Variants in CCDC27 observed in about 807,000 individuals in gnomAD.
CCDC27 encodes the protein coiled-coil domain-containing protein 27.
CCDC27 carries 80 observed loss-of-function variants against 80.3 expected under a neutral mutation model. The observed-to-expected ratio is 1.00, with a 90% CI of 0.83 to 1.20. CCDC27 has a LOEUF of 1.20. Among genes scored for constraint, CCDC27 ranks in the 50% most tolerant of loss-of-function variants. CCDC27 has a pLI of 0.00. For synonymous variants in CCDC27, 342 were observed against 334.3 expected (o/e 1.02, Z -0.25); for missense variants, 815 against 809.4 (o/e 1.01, Z -0.08).
Position 3,756,842 on chromosome 1 carries a change from C to T in CCDC27, c.663C>T (p.Ser221=), listed in dbSNP as rs758853405. ...CCAGCAGCTCAGTCGCATCTCAGAG[C>T]TGCCTGAGAAAGAGGATGCCCTGGT... The part of the protein sequence containing the change: ...PVTSSSVASQ[S]CLRKRMPWYL... Residue 221 remains serine, a synonymous_variant, in exon 4 of 12, where the codon AGC becomes AGT. Coordinates refer to ENST00000294600, the MANE Select transcript of CCDC27 (RefSeq NM_152492.3). The T allele has an allele frequency of 4.3e-6, 7 of 1,613,822 alleles. No homozygotes were observed. The highest frequency in any genetic ancestry group is 4.0e-5 in the African/African-American group (3 of 74,920).
rs771241421 is a variant in CCDC27, at chr1:3,754,254, C to G, written c.442+13C>G. 1.3e-5 allele frequency: 20 copies of G among 1,568,558 alleles called. No individual in the cohort carries two copies. In the East Asian group the frequency reaches 3.1e-4, roughly 24 times the overall value. ...ATGTCCCACTGTGGTAAGAGCCCCC[C>G]ACCAGGACCGCCTGTGAAACTGCCT... On this transcript the variant is annotated intron_variant, in intron 2 of 11. Coordinates refer to ENST00000294600, the MANE Select transcript of CCDC27 (RefSeq NM_152492.3).
chr1:3,757,477 G>A (rs1019675921), intron 4 of CCDC27, among the ~76,000 whole-genome samples: 2 of 151,600 alleles, frequency 1.3e-5, no homozygotes, highest in Non-Finnish European at 2.9e-5. Context: ...GTCTCACTCT[G>A]TCACCCAGGC....
chr1:3,756,727 C>T lies in CCDC27; in HGVS notation c.554-6C>T, dbSNP rs1288694756. 1 of 1,613,612 alleles carries T rather than the reference C, an allele frequency of 6.2e-7. No individual in the cohort carries two copies. The highest frequency in any genetic ancestry group is 8.5e-7 in the Non-Finnish European group (1 of 1,179,832). ...ATTTCTCACTTGGCCTCCGCTGTCG[C>T]CACAGGGTACCTCCTTCCCTTCAGT... On this transcript the variant is annotated splice_polypyrimidine_tract_variant and splice_region_variant and intron_variant, in intron 3 of 11. Transcript: ENST00000294600.
At chr1:3,764,482 C>G (rs899736399) in intron 8 of CCDC27, among the ~76,000 whole-genome samples, 1 of 151,824 alleles carries the variant, frequency 6.6e-6, no homozygotes, top group Admixed American at 6.6e-5. Flanking sequence ...TTTTTCCTCC[C>G]TTGCCACCGC....
rs781522400 is a variant in CCDC27, at chr1:3,755,462, C to A, written c.448C>A (p.Pro150Thr). Residue 150 changes from proline to threonine, a missense_variant, in exon 3 of 12, where the codon CCC becomes ACC. Transcript: ENST00000294600. ...GCATCTTTAACACTCTACAGGTTCA[C>A]CCACTGAGGCCGATTTGTCCGGAGA... is the stretch of plus-strand genomic sequence containing the variant. ...RATSMSHCGS[P>T]TEADLSGEID... is the part of the protein sequence containing the mutation. The A allele has an allele frequency of 6.2e-7, 1 of 1,614,000 alleles. No individual in the cohort carries two copies. The highest frequency in any genetic ancestry group is 8.5e-7 in the Non-Finnish European group (1 of 1,179,870).
At position 3,769,671 on chromosome 1, in the gene CCDC27, G is replaced by T; in HGVS notation, c.1744-112G>T. On this transcript the variant is annotated intron_variant, in intron 10 of 11. Coordinates refer to ENST00000294600, the MANE Select transcript of CCDC27 (RefSeq NM_152492.3). The surrounding 1 kb of genome is among the most constrained non-coding windows in gnomAD (Gnocchi z 4.6). Reference sequence around the variant, plus strand: ...AGTTTCTAAAGCCATGAAAAGTGAGGGTGAGCTGTTCCTTCCTGGTACATA... The same window carrying T: ...AGTTTCTAAAGCCATGAAAAGTGAGTGTGAGCTGTTCCTTCCTGGTACATA... 1.4e-6 allele frequency: 1 copy of T among 737,386 alleles called. No individual in the cohort carries two copies. The allele number at this position is 737,386 out of a possible 1,614,324, so 45.7% of individuals were successfully genotyped here.
chr1:3,767,241 G>C lies in CCDC27; in HGVS notation c.1539G>C (p.Ser513=). ...KDNQLLRQQV[S]ELERKLTKRD... ...TCCCCGGCTGTCCCCAGCAAGTGTC[G>C]GAACTGGAGAGAAAGCTCACCAAGC... Residue 513 remains serine, a synonymous_variant, in exon 10 of 12, where the codon TCG becomes TCC. Transcript: ENST00000294600. 1 of 1,613,876 alleles carries C rather than the reference G, an allele frequency of 6.2e-7. No individual in the cohort carries two copies. Among genetic ancestry groups the C allele is most frequent in the Non-Finnish European group, 8.5e-7 (1 of 1,179,948 alleles).
chr1:3,756,839 G>A lies in CCDC27; in HGVS notation c.660G>A (p.Gln220=), dbSNP rs752941440. ...TCACCAGCAGCTCAGTCGCATCTCAGAGCTGCCTGAGAAAGAGGATGCCCT... is the reference window on the plus strand; with the variant it reads ...TCACCAGCAGCTCAGTCGCATCTCAAAGCTGCCTGAGAAAGAGGATGCCCT... ...SPVTSSSVAS[Q]SCLRKRMPWY... Residue 220 remains glutamine, a synonymous_variant, in exon 4 of 12, where the codon CAG becomes CAA. Coordinates refer to ENST00000294600, the MANE Select transcript of CCDC27 (RefSeq NM_152492.3). The A allele has an allele frequency of 1.9e-6, 3 of 1,613,948 alleles. No homozygotes were observed. The East Asian group carries it at 6.7e-5, about 36-fold the overall frequency.
At chr1:3,758,763 T>G (rs760341427) in intron 4 of CCDC27, among the ~76,000 whole-genome samples, 2 of 152,092 alleles carry the variant, frequency 1.3e-5, no homozygotes, top group Non-Finnish European at 1.5e-5. Context: ...GCCCATTAAT[T>G]TTTTTCGTTT....
intron 4 of CCDC27, among the ~76,000 whole-genome samples, chr1:3,757,497 G>A (rs1035982859): frequency 2.6e-5 from 4 of 151,740 alleles, no homozygotes; most frequent in Admixed American, 2.0e-4. Context: ...CTGGAGTGTG[G>A]TGGTGTGATC....
At chr1:3,758,677 C>T (rs1255564541) in intron 4 of CCDC27, among the ~76,000 whole-genome samples, 1 of 152,202 alleles carries the variant, frequency 6.6e-6, no homozygotes, top group Non-Finnish European at 1.5e-5. Flanking sequence ...TCCCTGCAGC[C>T]TTGACCTCCC....
chr1:3,755,421 C>T, intron 2 of CCDC27, 36 bp from the exon 3 acceptor site: 1 of 1,541,800 alleles, frequency 6.5e-7, no homozygotes, highest in East Asian at 2.2e-5. Flanking sequence ...GACAAGACCG[C>T]AGCAGTCACC....
intron 8 of CCDC27, among the ~76,000 whole-genome samples, chr1:3,764,954 G>C (rs1018906406): frequency 6.7e-6 from 1 of 149,912 alleles, no homozygotes; most frequent in Non-Finnish European, 1.5e-5. Context: ...AGAATCGCTT[G>C]AACCCAGGAG....
Position 3,763,871 on chromosome 1 carries a change from G to T in CCDC27, c.1452+35G>T, listed in dbSNP as rs1462452317. 2 of 1,607,824 alleles carry T rather than the reference G, an allele frequency of 1.2e-6. No individual in the cohort carries two copies. Among genetic ancestry groups the T allele is most frequent in the Admixed American group, 1.7e-5 (1 of 59,628 alleles). ...CGCTCAGTACCGGCCTCCGCTCCATGAGCATGGGCCCCAGGCTTCATTAAC... is the reference window on the plus strand; with the variant it reads ...CGCTCAGTACCGGCCTCCGCTCCATTAGCATGGGCCCCAGGCTTCATTAAC... On this transcript the variant is annotated intron_variant, in intron 8 of 11. Transcript: ENST00000294600. This position sits in a 1 kb window ranked among gnomAD's most constrained non-coding sequence, Gnocchi z 7.5.
Position 3,760,964 on chromosome 1 carries a change from A to G in CCDC27, c.712-317A>G, listed in dbSNP as rs555106375. On this transcript the variant is annotated intron_variant, in intron 4 of 11. Coordinates refer to ENST00000294600, the MANE Select transcript of CCDC27 (RefSeq NM_152492.3). The surrounding 1 kb of genome is among the most constrained non-coding windows in gnomAD (Gnocchi z 4.3). ...GGTGTCCTGTGGTATAGTGGGGTGC[A>G]GGGACACACCACGGGCCAGGTCCGA... is the stretch of plus-strand genomic sequence containing the variant. Among the ~76,000 whole-genome samples, 5 of 152,252 alleles carry G rather than the reference A, an allele frequency of 3.3e-5. No homozygotes were observed. The highest frequency in any genetic ancestry group is 6.5e-5 in the Admixed American group (1 of 15,292).
chr1:3,766,828 T>C lies in CCDC27; in HGVS notation c.1530+216T>C, dbSNP rs1643237296. ...CTGGACTGGAGGGACCCAGCAAGCG[T>C]TCCCAGTCCTTTTTTTTTTTTTTTT... On this transcript the variant is annotated intron_variant, in intron 9 of 11. Transcript: ENST00000294600. The surrounding 1 kb of genome is among the most constrained non-coding windows in gnomAD (Gnocchi z 6.1). Among the ~76,000 whole-genome samples the C allele has an allele frequency of 6.8e-6, 1 of 147,348 alleles. No individual in the cohort carries two copies. Among genetic ancestry groups the C allele is most frequent in the African/African-American group, 2.5e-5 (1 of 39,660 alleles).
intron 4 of CCDC27, chr1:3,757,131 TG>T (rs1282672033): frequency 7.3e-6 from 3 of 410,024 alleles, no homozygotes; most frequent in Middle Eastern, 6.5e-4. Context: ...CCGGCACGCA[TG>T]ACTTCCAACC....
intron 2 of CCDC27, among the ~76,000 whole-genome samples, chr1:3,754,728 A>G (rs1642911567): frequency 6.6e-6 from 1 of 152,034 alleles, no homozygotes; most frequent in Non-Finnish European, 1.5e-5. Context: ...GCCCAGAGCC[A>G]AGGCTTCATC....
Position 3,766,755 on chromosome 1 carries a change from T to G in CCDC27, c.1530+143T>G. ...GGTAGCATGCCACTCGACAGATCTCTGCACCCCACGTCCACACAGAAGGCT... is the reference window on the plus strand; with the variant it reads ...GGTAGCATGCCACTCGACAGATCTCGGCACCCCACGTCCACACAGAAGGCT... On this transcript the variant is annotated intron_variant, in intron 9 of 11. Coordinates refer to ENST00000294600, the MANE Select transcript of CCDC27 (RefSeq NM_152492.3). This position sits in a 1 kb window ranked among gnomAD's most constrained non-coding sequence, Gnocchi z 6.1. The G allele has an allele frequency of 8.0e-6, 5 of 621,982 alleles. No homozygotes were observed. The highest frequency in any genetic ancestry group is 1.9e-5 in the African/African-American group (1 of 53,900). The allele number at this position is 621,982 out of a possible 1,614,324, so 38.5% of individuals were successfully genotyped here.
Sources: gnomAD v4.1 joint callset for allele counts (sites outside exome capture counted in the v4.1 genomes callset) on GRCh38, gnomAD v4.1.1 for gene constraint, Gnocchi (gnomAD v3.1) non-coding constraint, MANE v1.5 for transcripts, NCBI Gene and HGNC (gene_info 2026-07-23, HGNC 2026-07-21) for gene names.